GRID1: variants seen among roughly 807,000 people sequenced by gnomAD.
GRID1 encodes the protein glutamate receptor ionotropic, delta-1.
Under a neutral mutation model 98.0 loss-of-function variants are expected in GRID1, and 28 were observed. The ratio of observed to expected loss-of-function variants is 0.29; its 90% CI spans 0.21 to 0.39. GRID1 has a LOEUF of 0.39. Ranked by LOEUF, GRID1 falls within the 10% of genes least tolerant of loss-of-function variation. GRID1 has a pLI of 1.00. For synonymous variants in GRID1, 553 were observed against 538.5 expected (o/e 1.03, Z -0.37); for missense variants, 1,111 against 1,340.5 (o/e 0.83, Z 2.67).
chr10:85,897,125 T>C (rs1313519109), intron 5 of GRID1, among the ~76,000 whole-genome samples: 1 of 152,152 alleles, frequency 6.6e-6, no homozygotes, highest in African/African-American at 2.4e-5. Context: ...GAAAGGATAA[T>C]TTATTGGTAT....
intron 3 of GRID1, among the ~76,000 whole-genome samples, chr10:86,147,824 G>T (rs954378416): frequency 6.6e-6 from 1 of 152,082 alleles, no homozygotes; most frequent in Non-Finnish European, 1.5e-5. Context: ...TTTTATATTG[G>T]GATCTCACAC....
At chr10:85,853,853 A>C (rs1044325470) in intron 8 of GRID1, among the ~76,000 whole-genome samples, 2 of 152,196 alleles carry the variant, frequency 1.3e-5, no homozygotes, top group African/African-American at 2.4e-5. Flanking sequence ...ACTCTCCACT[A>C]TCCACAGTCC....
At chr10:86,323,540 C>A (rs968517139) in intron 2 of GRID1, among the ~76,000 whole-genome samples, 1 of 152,168 alleles carries the variant, frequency 6.6e-6, no homozygotes, top group South Asian at 2.1e-4. Context: ...GAAAATTCAC[C>A]ACCACAAACC....
rs1845197176 is a variant in GRID1, at chr10:86,153,334, T to A, written c.521-14310A>T. On this transcript the variant is annotated intron_variant, in intron 3 of 15. Transcript: ENST00000327946. ...ATCCTACCACCTTGCCAGAGCCTATTGTTAAATTTTCAGGAATTTGCAAGC... is the reference window on the plus strand; with the variant it reads ...ATCCTACCACCTTGCCAGAGCCTATAGTTAAATTTTCAGGAATTTGCAAGC... Among the ~76,000 whole-genome samples the A allele has an allele frequency of 3.9e-5, 6 of 152,364 alleles. No individual in the cohort carries two copies. The South Asian group carries it at 1.2e-3, about 32-fold the overall frequency.
Position 86,366,556 on chromosome 10 carries a change from C to CCCAGT in GRID1, c.-165_-164insACTGG. 4.2e-6 allele frequency: 1 copy of CCCAGT among 240,628 alleles called. No individual in the cohort carries two copies. The highest frequency in any genetic ancestry group is 1.6e-4 in the South Asian group (1 of 6,200). 14.9% of individuals were successfully genotyped at this position (240,628 alleles called of 1,614,324 possible). Reference sequence around the variant, plus strand: ...GCCCGCCCCTGCGCCCTGCGCCCGCCCCAGCCCAGCCCAGCCCAGCCCAGC... The same window carrying CCCAGT: ...GCCCGCCCCTGCGCCCTGCGCCCGCCCCAGTCCAGCCCAGCCCAGCCCAGCCCAGC... On this transcript the variant is annotated 5_prime_UTR_variant, in exon 1 of 16. Coordinates refer to ENST00000327946, the MANE Select transcript of GRID1 (RefSeq NM_017551.3). The surrounding 1 kb of genome is among the most constrained non-coding windows in gnomAD (Gnocchi z 4.1).
At chr10:85,903,037 C>G (rs72842951) in intron 5 of GRID1, among the ~76,000 whole-genome samples, 1 of 152,096 alleles carries the variant, frequency 6.6e-6, no homozygotes, top group Non-Finnish European at 1.5e-5. Flanking sequence ...AATGCAACCC[C>G]TCTGTGGTCT....
intron 12 of GRID1, among the ~76,000 whole-genome samples, chr10:85,652,925 T>A (rs1201133702): frequency 6.6e-6 from 1 of 152,126 alleles, no homozygotes; most frequent in Non-Finnish European, 1.5e-5. Context: ...AGTTCCTACT[T>A]TTGTGGATTT....
At chr10:85,862,605 G>T (rs1371343368) in intron 6 of GRID1, among the ~76,000 whole-genome samples, 1 of 152,176 alleles carries the variant, frequency 6.6e-6, no homozygotes, top group East Asian at 1.9e-4. Flanking sequence ...AAGCAGGAGA[G>T]AACTCAGCCG....
chr10:85,881,226 C>T (rs902002677), intron 5 of GRID1, among the ~76,000 whole-genome samples: 8 of 152,110 alleles, frequency 5.3e-5, no homozygotes, highest in Non-Finnish European at 1.0e-4. Flanking sequence ...TCAATGCCAT[C>T]CCCATCAAGC....
At chr10:86,253,911 C>A (rs1846874807) in intron 2 of GRID1, among the ~76,000 whole-genome samples, 1 of 152,192 alleles carries the variant, frequency 6.6e-6, no homozygotes, top group Admixed American at 6.5e-5. Context: ...AGGTATGTGA[C>A]TGCCAGCTAC....
rs955830558 is a variant in GRID1 at position 86,366,267 on chromosome 10, C to T, written c.79+47G>A. The T allele has an allele frequency of 3.6e-6, 5 of 1,372,256 alleles. No homozygotes were observed. In the African/African-American group the frequency reaches 6.1e-5, roughly 17 times the overall value. 85.0% of individuals were successfully genotyped at this position (1,372,256 alleles called of 1,614,324 possible). ...TTTGGACGCCGCGCACCCCCTGCCC[C>T]GTTGGGGCCCCCGCCCAGCCTCGGC... On this transcript the variant is annotated intron_variant, in intron 1 of 15. Transcript: ENST00000327946. The surrounding 1 kb of genome is among the most constrained non-coding windows in gnomAD (Gnocchi z 4.1).
At chr10:85,760,539 A>G (rs2132697572) in intron 8 of GRID1, among the ~76,000 whole-genome samples, 1 of 152,232 alleles carries the variant, frequency 6.6e-6, no homozygotes, top group Non-Finnish European at 1.5e-5. Flanking sequence ...AACTATAACA[A>G]CTCAACAGAA....
chr10:85,771,054 G>A (rs1842260177), intron 8 of GRID1, among the ~76,000 whole-genome samples: 1 of 152,128 alleles, frequency 6.6e-6, no homozygotes, highest in African/African-American at 2.4e-5. Context: ...AGGAAAAAAT[G>A]TTAAGGGCAG....
intron 4 of GRID1, among the ~76,000 whole-genome samples, chr10:86,091,806 C>T (rs1049213961): frequency 5.9e-5 from 9 of 152,200 alleles, no homozygotes; most frequent in Admixed American, 5.9e-4. Context: ...GTTCACATCA[C>T]AGGACTCTGT....
Position 86,313,858 on chromosome 10 carries a change from G to A in GRID1, c.235+50083C>T, listed in dbSNP as rs76621954. ...CTGAGGGACAGCTGGGCCTGTCGGC[G>A]CTTGTTGTTTCTGCCAAACTCCATG... On this transcript the variant is annotated intron_variant, in intron 2 of 15. Coordinates refer to ENST00000327946, the MANE Select transcript of GRID1 (RefSeq NM_017551.3). 3.9e-5 allele frequency among the ~76,000 whole-genome samples: 6 copies of A among 152,236 alleles called. No individual in the cohort carries two copies. In the East Asian group the frequency reaches 7.7e-4, roughly 20 times the overall value.
At chr10:86,326,662 T>C (rs776577767) in intron 2 of GRID1, among the ~76,000 whole-genome samples, 1 of 152,118 alleles carries the variant, frequency 6.6e-6, no homozygotes, top group African/African-American at 2.4e-5. Flanking sequence ...ACCAAGCAAA[T>C]GGTGCCAGGT....
At chr10:86,177,549 AACAG>A (rs1309777025) in intron 3 of GRID1, among the ~76,000 whole-genome samples, 11 of 151,190 alleles carry the variant, frequency 7.3e-5, no homozygotes, top group East Asian at 3.9e-4. Flanking sequence ...GCATGAGAAA[AACAG>A]ACAGATTCCA....
chr10:85,903,285 T>C (rs1206479302), intron 5 of GRID1, among the ~76,000 whole-genome samples: 1 of 152,168 alleles, frequency 6.6e-6, no homozygotes, highest in Non-Finnish European at 1.5e-5. Flanking sequence ...TCTTTTCAGT[T>C]CCTGAAGCTA....
chr10:86,213,550 C>T (rs141767108), intron 2 of GRID1, among the ~76,000 whole-genome samples: 176 of 152,292 alleles, frequency 1.2e-3, no homozygotes, highest in Middle Eastern at 3.4e-3. Context: ...AGGCTGGTCC[C>T]TGCTCCTGAG....
Sources: allele counts gnomAD v4.1 joint callset (sites outside exome capture counted in the v4.1 genomes callset), GRCh38; gene constraint gnomAD v4.1.1; non-coding constraint Gnocchi (gnomAD v3.1); transcripts MANE v1.5; gene names NCBI Gene and HGNC (gene_info 2026-07-23, HGNC 2026-07-21).